SAMD5: variants seen among roughly 807,000 people sequenced by gnomAD.
SAMD5 encodes the protein sterile alpha motif domain containing 5, also known as sterile alpha motif domain-containing protein 5.
SAMD5 carries 13 observed loss-of-function variants against 11.3 expected under a neutral mutation model. The ratio of observed to expected loss-of-function variants is 1.15; its 90% confidence interval spans 0.75 to 1.83. The LOEUF is 1.83. SAMD5 is among the 40% of genes most tolerant of loss of function. SAMD5 has a pLI of 0.00. For missense variants in SAMD5, 255 were observed against 239.1 expected (o/e 1.07, Z -0.44); for synonymous variants, 129 against 111.3 (o/e 1.16, Z -1.00).
the SAMD5 span, among the ~76,000 whole-genome samples, chr6:147,745,079 T>C: frequency 6.6e-6 from 1 of 152,110 alleles, no homozygotes; most frequent in Non-Finnish European, 1.5e-5. Flanking sequence ...AATTTTTAAG[T>C]GTGATAATAG....
chr6:147,514,154 G>A (rs755974351), intron 1 of SAMD5, among the ~76,000 whole-genome samples: 4 of 152,114 alleles, frequency 2.6e-5, no homozygotes, highest in Non-Finnish European at 5.9e-5. Flanking sequence ...CAGGGTCCTG[G>A]AGGAGGTGCG....
chr6:147,756,317 C>T, the SAMD5 span, among the ~76,000 whole-genome samples: 1 of 151,882 alleles, frequency 6.6e-6, no homozygotes, highest in South Asian at 2.1e-4. Context: ...TTCAACAAAA[C>T]CAGATAGCAA....
intron 1 of SAMD5, among the ~76,000 whole-genome samples, chr6:147,591,488 A>C (rs529252505): frequency 6.6e-6 from 1 of 152,252 alleles, no homozygotes; most frequent in Admixed American, 6.5e-5. Context: ...TCCCACTTAC[A>C]TACTAAGAAC....
the SAMD5 span, among the ~76,000 whole-genome samples, chr6:147,896,324 C>A: frequency 6.7e-6 from 1 of 149,604 alleles, no homozygotes; most frequent in African/African-American, 2.4e-5. Flanking sequence ...TTCAGAATAA[C>A]AACTAGAAAT....
At chr6:147,836,240 G>T in the SAMD5 span, among the ~76,000 whole-genome samples, 2 of 152,146 alleles carry the variant, frequency 1.3e-5, no homozygotes, top group Non-Finnish European at 2.9e-5. Flanking sequence ...TTAGTATGCA[G>T]ATTCAGAAAG....
intron 1 of SAMD5, among the ~76,000 whole-genome samples, chr6:147,622,668 C>A (rs527598446): frequency 9.2e-5 from 14 of 152,186 alleles, no homozygotes; most frequent in Non-Finnish European, 8.8e-5. Context: ...TCAGGCCATG[C>A]GACAGGAAGA....
the SAMD5 span, among the ~76,000 whole-genome samples, chr6:147,798,418 C>T: frequency 2.7e-5 from 4 of 149,598 alleles, no homozygotes; most frequent in Non-Finnish European, 5.9e-5. Context: ...TTTGATCGCA[C>T]TGTGGTCTGA....
chr6:147,647,717 T>A (rs961372424), intron 1 of SAMD5, among the ~76,000 whole-genome samples: 4 of 152,208 alleles, frequency 2.6e-5, no homozygotes, highest in Admixed American at 2.6e-4. Flanking sequence ...GGCTTCTTGA[T>A]GCCCTGGCAA....
rs1047693076 is a variant in SAMD5 at position 147,569,353 on chromosome 6, A to G, written c.*4897A>G. 27 of 802,308 alleles carry G rather than the reference A, an allele frequency of 3.4e-5. No homozygotes were observed. Among genetic ancestry groups the G allele is most frequent in the Non-Finnish European group, 3.9e-5 (26 of 663,358 alleles). 49.7% of individuals were successfully genotyped at this position (802,308 alleles called of 1,614,324 possible). ...TATTTTTTATTACTGCAGTTGAGAG[A>G]TACCTTTTCAGAGGAAAACAAGAGG... is the stretch of plus-strand genomic sequence containing the variant. On this transcript the variant is annotated 3_prime_UTR_variant, in exon 2 of 2. Coordinates refer to ENST00000367474, the MANE Select transcript of SAMD5 (RefSeq NM_001030060.3).
At position 147,565,842 on chromosome 6, in the gene SAMD5, A is replaced by G. The variant is rs1165358971; in HGVS notation, c.*1386A>G. On this transcript the variant is annotated 3_prime_UTR_variant, in exon 2 of 2. Coordinates refer to ENST00000367474, the MANE Select transcript of SAMD5 (RefSeq NM_001030060.3). Reference sequence around the variant, plus strand: ...AAACTTAGTTGAAAGAAGCCATGGCAAAAGATGTTGACGTACAACTGGCTC... The same window carrying G: ...AAACTTAGTTGAAAGAAGCCATGGCGAAAGATGTTGACGTACAACTGGCTC... The G allele has an allele frequency of 1.2e-5, 12 of 985,428 alleles. No individual in the cohort carries two copies. Among genetic ancestry groups the G allele is most frequent in the Non-Finnish European group, 1.4e-5 (12 of 829,920 alleles). 61.0% of individuals were successfully genotyped at this position (985,428 alleles called of 1,614,324 possible).
intron 1 of SAMD5, among the ~76,000 whole-genome samples, chr6:147,597,816 G>C (rs745553992): frequency 2.0e-5 from 3 of 152,110 alleles, no homozygotes; most frequent in African/African-American, 4.8e-5. Context: ...GAATCACCAG[G>C]GAGTCACGAT....
At chr6:147,892,844 T>A in the SAMD5 span, among the ~76,000 whole-genome samples, 4 of 151,978 alleles carry the variant, frequency 2.6e-5, no homozygotes, top group South Asian at 6.2e-4. Flanking sequence ...TCTCTTCATT[T>A]AAAAAAAATA....
At chr6:147,593,712 C>T (rs1389482023) in intron 1 of SAMD5, among the ~76,000 whole-genome samples, 2 of 152,154 alleles carry the variant, frequency 1.3e-5, no homozygotes, top group South Asian at 2.1e-4. Flanking sequence ...CTGCTGTGCT[C>T]GCTTCTCCAT....
intron 1 of SAMD5, among the ~76,000 whole-genome samples, chr6:147,589,815 C>T (rs894156040): frequency 6.6e-6 from 1 of 152,166 alleles, no homozygotes; most frequent in South Asian, 2.1e-4. Flanking sequence ...TGATGCCTAA[C>T]ACATAGTCAG....
At chr6:147,628,342 G>A (rs778971680) in intron 1 of SAMD5, among the ~76,000 whole-genome samples, 3 of 152,110 alleles carry the variant, frequency 2.0e-5, no homozygotes, top group Non-Finnish European at 2.9e-5. Context: ...AATTTCTATG[G>A]TTTGGCAAAT....
chr6:147,834,838 A>C, the SAMD5 span, among the ~76,000 whole-genome samples: 2 of 152,218 alleles, frequency 1.3e-5, no homozygotes, highest in Non-Finnish European at 2.9e-5. Flanking sequence ...GCTTGATTCA[A>C]TGGGAAACTA....
the SAMD5 span, among the ~76,000 whole-genome samples, chr6:147,858,895 G>A: frequency 1.3e-5 from 2 of 152,188 alleles, no homozygotes; most frequent in African/African-American, 4.8e-5. Context: ...GTGAACCATG[G>A]AGTCAAAAGT....
chr6:147,878,812 T>G, the SAMD5 span, among the ~76,000 whole-genome samples: 1 of 151,878 alleles, frequency 6.6e-6, no homozygotes, highest in Non-Finnish European at 1.5e-5. Flanking sequence ...TGGAGTGCAG[T>G]GGCGCAATCT....
chr6:147,630,116 A>G (rs539941790), intron 1 of SAMD5, among the ~76,000 whole-genome samples: 1 of 151,500 alleles, frequency 6.6e-6, no homozygotes, highest in East Asian at 2.0e-4. Flanking sequence ...CGCCTGGCTA[A>G]TTTTGTATTT....
Sources: allele counts gnomAD v4.1 joint callset (sites outside exome capture counted in the v4.1 genomes callset), GRCh38; gene constraint gnomAD v4.1.1; transcripts MANE v1.5; gene names NCBI Gene and HGNC (gene_info 2026-07-23, HGNC 2026-07-21).